PDLIM1: variants seen among roughly 807,000 people sequenced by gnomAD.
The protein encoded by PDLIM1 is PDZ and LIM domain 1, also known as PDZ and LIM domain protein 1.
PDLIM1 carries 25 observed loss-of-function variants against 35.2 expected under a neutral mutation model. The observed-to-expected ratio is 0.71, with a 90% CI of 0.52 to 0.99. The LOEUF (loss-of-function observed/expected upper bound fraction) is 0.99. PDLIM1 is among the 50% of genes least tolerant of loss of function. The pLI is 0.00. For synonymous variants in PDLIM1, 152 were observed against 154.0 expected (o/e 0.99, Z 0.10); for missense variants, 363 against 415.3 (o/e 0.87, Z 1.09).
intron 4 of PDLIM1, among the ~76,000 whole-genome samples, chr10:95,252,626 T>A (rs1166812075): frequency 6.6e-6 from 1 of 152,074 alleles, no homozygotes; most frequent in Non-Finnish European, 1.5e-5. Context: ...AACACAGTCA[T>A]CATAAAAATG....
intron 1 of PDLIM1, among the ~76,000 whole-genome samples, chr10:95,274,363 G>A (rs998177835): frequency 9.5e-5 from 14 of 147,044 alleles, no homozygotes; most frequent in African/African-American, 2.8e-4. Flanking sequence ...GCGCAGTCTC[G>A]GCTCACTGCA....
chr10:95,255,580 A>C (rs1460125872), intron 4 of PDLIM1, among the ~76,000 whole-genome samples: 1 of 152,240 alleles, frequency 6.6e-6, no homozygotes, highest in African/African-American at 2.4e-5. Context: ...AAAATTTAAC[A>C]AACTTTCATG....
intron 1 of PDLIM1, among the ~76,000 whole-genome samples, chr10:95,274,969 G>C (rs2035498804): frequency 6.6e-6 from 1 of 152,172 alleles, no homozygotes; most frequent in Non-Finnish European, 1.5e-5. Context: ...AGGAGGATGA[G>C]AGGGGCCTGA....
intron 4 of PDLIM1, among the ~76,000 whole-genome samples, chr10:95,260,927 C>G (rs774067364): frequency 5.9e-5 from 9 of 152,194 alleles, no homozygotes; most frequent in Non-Finnish European, 1.3e-4. Flanking sequence ...AAGCTGAGAT[C>G]CCCCCATACA....
In PDLIM1 at chr10:95,279,291, G is replaced by T. The variant is rs45584037; in HGVS notation, c.97-7507C>A. 8.6e-3 allele frequency among the ~76,000 whole-genome samples: 1,302 copies of T among 152,222 alleles called. 26 individuals carry two copies. The highest frequency in any genetic ancestry group is 0.03 in the African/African-American group (1,246 of 41,528). On this transcript the variant is annotated intron_variant, in intron 1 of 6. Coordinates refer to ENST00000329399, the MANE Select transcript of PDLIM1 (RefSeq NM_020992.4). ...AAACCCAGTACCTGTTACCATTTAT[G>T]ATCATTCTTGCAGCTATTAATTTTC...
At chr10:95,270,727 A>G (rs2035456959) in intron 2 of PDLIM1, among the ~76,000 whole-genome samples, 2 of 151,854 alleles carry the variant, frequency 1.3e-5, no homozygotes, top group Admixed American at 1.3e-4. Flanking sequence ...ACTGCTCAGC[A>G]CAATGCAGTA....
At chr10:95,240,701 A>G (rs1372713751) in intron 5 of PDLIM1, among the ~76,000 whole-genome samples, 1 of 152,210 alleles carries the variant, frequency 6.6e-6, no homozygotes, top group Non-Finnish European at 1.5e-5. Flanking sequence ...AATCCACATC[A>G]CAGATAGAAC....
Position 95,290,083 on chromosome 10 carries a change from T to G in PDLIM1, c.96+737A>C, listed in dbSNP as rs930150195. On this transcript the variant is annotated intron_variant, in intron 1 of 6. Coordinates refer to ENST00000329399, the MANE Select transcript of PDLIM1 (RefSeq NM_020992.4). This position sits in a 1 kb window ranked among gnomAD's most constrained non-coding sequence, Gnocchi z 4.7. ...AAGCCCCTCTTAGATTTCAAGCACC[T>G]CAACCCCACCCCAGGTGGACACCCC... Among the ~76,000 whole-genome samples, 1 of 152,090 alleles carries G rather than the reference T, an allele frequency of 6.6e-6. No individual in the cohort carries two copies. The highest frequency in any genetic ancestry group is 6.5e-5 in the Admixed American group (1 of 15,268).
intron 1 of PDLIM1, among the ~76,000 whole-genome samples, chr10:95,289,803 G>A (rs1020319314): frequency 2.0e-5 from 3 of 152,266 alleles, no homozygotes; most frequent in Non-Finnish European, 2.9e-5. Context: ...CAGGCAAGGA[G>A]TGGCCATGGG....
chr10:95,275,664 T>C (rs997230721), intron 1 of PDLIM1, among the ~76,000 whole-genome samples: 1 of 152,168 alleles, frequency 6.6e-6, no homozygotes, highest in African/African-American at 2.4e-5. Flanking sequence ...TCAAATGAGA[T>C]TGGAACTGGA....
Position 95,268,818 on chromosome 10 carries a change from T to C in PDLIM1, c.293A>G (p.Lys98Arg). ...VWSPLVTEEG[K>R]RHPYKMNLAS... ...TAAATTCATCTTGTATGGATGACGCTTCCCTTCCTCCGTCACCAGAGGAGA... is the reference window on the plus strand; with the variant it reads ...TAAATTCATCTTGTATGGATGACGCCTCCCTTCCTCCGTCACCAGAGGAGA... Residue 98 changes from lysine to arginine, a missense_variant, in exon 3 of 7, where the codon AAG (lysine) becomes AGG (arginine). Coordinates refer to ENST00000329399, the MANE Select transcript of PDLIM1 (RefSeq NM_020992.4). 6.2e-7 allele frequency: 1 copy of C among 1,613,678 alleles called. No individual in the cohort carries two copies. Among genetic ancestry groups the C allele is most frequent in the East Asian group, 2.2e-5 (1 of 44,886 alleles).
At position 95,290,038 on chromosome 10, in the gene PDLIM1, T is replaced by C. The variant is rs45459298; in HGVS notation, c.96+782A>G. Among the ~76,000 whole-genome samples, 440 of 152,320 alleles carry C rather than the reference T, an allele frequency of 2.9e-3. 5 individuals carry two copies. The highest frequency in any genetic ancestry group is 0.01 in the African/African-American group (417 of 41,568). Reference sequence around the variant, plus strand: ...GGTTCTGGTGGCCCCTGATTCAACGTGAGTCCTTCTAAAGATCCGAAGCCC... The same window carrying C: ...GGTTCTGGTGGCCCCTGATTCAACGCGAGTCCTTCTAAAGATCCGAAGCCC... On this transcript the variant is annotated intron_variant, in intron 1 of 6. Transcript: ENST00000329399. The surrounding 1 kb of genome is among the most constrained non-coding windows in gnomAD (Gnocchi z 4.7).
chr10:95,246,248 C>G (rs946408525), intron 5 of PDLIM1, among the ~76,000 whole-genome samples: 2 of 152,174 alleles, frequency 1.3e-5, no homozygotes, highest in African/African-American at 4.8e-5. Context: ...AGGGAAGAAG[C>G]GGGTGTGAGG....
chr10:95,243,863 C>A (rs1353743459), intron 5 of PDLIM1, among the ~76,000 whole-genome samples: 1 of 152,072 alleles, frequency 6.6e-6, no homozygotes, highest in Non-Finnish European at 1.5e-5. Context: ...AAAAGGACAA[C>A]TACTGCATGA....
At chr10:95,252,781 C>T (rs745646276) in intron 4 of PDLIM1, among the ~76,000 whole-genome samples, 4 of 150,820 alleles carry the variant, frequency 2.7e-5, no homozygotes, top group Non-Finnish European at 5.9e-5. Context: ...ATGAAGGAGA[C>T]AAAGGAAAGA....
intron 4 of PDLIM1, among the ~76,000 whole-genome samples, chr10:95,256,986 A>AAAAAAG (rs1554832103): frequency 1.6e-5 from 1 of 61,658 alleles, no homozygotes; most frequent in African/African-American, 6.7e-5. Context: ...AAAAAAAAAA[A>AAAAAAG]AAAGAAAGAA....
chr10:95,268,296 TAG>T (rs1486008393), intron 3 of PDLIM1, among the ~76,000 whole-genome samples: 1 of 152,266 alleles, frequency 6.6e-6, no homozygotes, highest in Non-Finnish European at 1.5e-5. Context: ...GTAACAAAAA[TAG>T]AGATTTCCAC....
intron 5 of PDLIM1, among the ~76,000 whole-genome samples, chr10:95,244,095 T>A (rs45481903): frequency 3.0e-4 from 45 of 152,352 alleles, no homozygotes; most frequent in Admixed American, 1.6e-3. Context: ...TTTGTTAAGA[T>A]GGTAAATTTT....
chr10:95,253,055 A>G (rs2035280120), intron 4 of PDLIM1, among the ~76,000 whole-genome samples: 1 of 152,212 alleles, frequency 6.6e-6, no homozygotes, highest in South Asian at 2.1e-4. Flanking sequence ...TAAACCTAAA[A>G]AAATCCACAC....
Sources: gnomAD v4.1 joint callset for allele counts (sites outside exome capture counted in the v4.1 genomes callset) on GRCh38, gnomAD v4.1.1 for gene constraint, Gnocchi (gnomAD v3.1) non-coding constraint, MANE v1.5 for transcripts, NCBI Gene and HGNC (gene_info 2026-07-23, HGNC 2026-07-21) for gene names.